SMURF1: variants seen among roughly 807,000 people sequenced by gnomAD.
SMURF1 encodes SMAD specific E3 ubiquitin protein ligase 1, also known as E3 ubiquitin-protein ligase SMURF1.
A neutral mutation model predicts 98.0 loss-of-function variants in SMURF1; 44 were observed. The ratio of observed to expected loss-of-function variants is 0.45; its 90% confidence interval spans 0.35 to 0.58. The LOEUF is 0.58. Ranked by LOEUF, SMURF1 falls within the 20% of genes least tolerant of loss-of-function variation. SMURF1 has a pLI of 0.00. For missense variants in SMURF1, 687 were observed against 938.4 expected, an observed-to-expected ratio of 0.73 and a Z score of 3.50; for synonymous variants, 396 against 374.9, an observed-to-expected ratio of 1.06 and a Z score of -0.65.
At chr7:99,042,056 T>A in intron 12 of SMURF1, 62 bp downstream of exon 12, 2 of 1,328,740 alleles carry the variant, frequency 1.5e-6, no homozygotes, top group South Asian at 1.2e-5. Context: ...AGAATGAAAC[T>A]GAAAATCCAT....
intron 13 of SMURF1, among the ~76,000 whole-genome samples, chr7:99,039,193 CAAAAAAAAAAAAAAA>C (rs34106810): frequency 2.0e-4 from 12 of 60,488 alleles, no homozygotes; most frequent in Non-Finnish European, 3.1e-4. Flanking sequence ...GACTCTGTCT[CAAAAAAAAAAAAAAA>C]AAAAAAAAAA....
intron 1 of SMURF1, among the ~76,000 whole-genome samples, chr7:99,130,572 C>A (rs1049471763): frequency 6.6e-6 from 1 of 152,178 alleles, no homozygotes; most frequent in African/African-American, 2.4e-5. Context: ...CCACTCCTAA[C>A]CCTTGGTCAA....
intron 11 of SMURF1, among the ~76,000 whole-genome samples, chr7:99,043,388 G>A (rs746650201): frequency 6.6e-6 from 1 of 152,138 alleles, no homozygotes; most frequent in Non-Finnish European, 1.5e-5. Flanking sequence ...CATCCCATTA[G>A]GAGGAAGACT....
At chr7:99,143,489 C>CGGGGGAACGG (rs1438784549) in intron 1 of SMURF1, among the ~76,000 whole-genome samples, 3 of 95,638 alleles carry the variant, frequency 3.1e-5, no homozygotes, top group Admixed American at 1.3e-4. Context: ...GGGGCAGGTG[C>CGGGGGAACGG]GGGGGAACGG....
chr7:99,056,606 C>T (rs751232992), intron 5 of SMURF1, among the ~76,000 whole-genome samples: 23 of 152,256 alleles, frequency 1.5e-4, no homozygotes, highest in Non-Finnish European at 2.2e-4. Context: ...TTGGATAATA[C>T]GGTCAAAAAT....
intron 11 of SMURF1, among the ~76,000 whole-genome samples, chr7:99,045,331 C>G (rs186584201): frequency 6.6e-6 from 1 of 152,346 alleles, no homozygotes; most frequent in Non-Finnish European, 1.5e-5. Flanking sequence ...GCCCTGCTCC[C>G]TGCAGCAAAT....
At chr7:99,105,157 C>G (rs1407755335) in intron 1 of SMURF1, among the ~76,000 whole-genome samples, 1 of 152,204 alleles carries the variant, frequency 6.6e-6, no homozygotes, top group African/African-American at 2.4e-5. Context: ...AGCTACACAA[C>G]CAACCTTCAC....
intron 1 of SMURF1, among the ~76,000 whole-genome samples, chr7:99,063,218 A>C (rs1796079184): frequency 8.9e-6 from 1 of 112,860 alleles, no homozygotes. Flanking sequence ...TAGTCAAGAT[A>C]TATATATATA....
At chr7:99,117,802 G>A (rs1185825130) in intron 1 of SMURF1, among the ~76,000 whole-genome samples, 1 of 151,836 alleles carries the variant, frequency 6.6e-6, no homozygotes, top group Non-Finnish European at 1.5e-5. Context: ...TATATATGCT[G>A]AGCGTGGTGG....
At chr7:99,081,958 G>A (rs912403661) in intron 1 of SMURF1, among the ~76,000 whole-genome samples, 1 of 152,106 alleles carries the variant, frequency 6.6e-6, no homozygotes, top group Non-Finnish European at 1.5e-5. Context: ...TGGCCTGATC[G>A]CATTTTTTAA....
chr7:99,071,882 C>G (rs1796332149), intron 1 of SMURF1, among the ~76,000 whole-genome samples: 1 of 151,720 alleles, frequency 6.6e-6, no homozygotes, highest in Non-Finnish European at 1.5e-5. Flanking sequence ...GAGACCACCC[C>G]TGAGCAACGT....
chr7:99,111,795 T>C (rs1797329033), intron 1 of SMURF1, among the ~76,000 whole-genome samples: 4 of 152,210 alleles, frequency 2.6e-5, no homozygotes, highest in Admixed American at 2.0e-4. Context: ...ACATATCTTA[T>C]TCTCAAAGAA....
At chr7:99,040,841 T>G (rs1375186728) in intron 12 of SMURF1, among the ~76,000 whole-genome samples, 1 of 152,134 alleles carries the variant, frequency 6.6e-6, no homozygotes, top group East Asian at 1.9e-4. Context: ...TGACTGAGAA[T>G]TTCACCTTCG....
chr7:99,035,664 G>A lies in SMURF1; in HGVS notation c.1862C>T (p.Thr621Met), dbSNP rs924925996. ...GTCGGCCACACAGTGCTTCAGCCGCGTGTTCGACTTCCAGTCGTTCAAGTC... is the reference window on the plus strand; with the variant it reads ...GTCGGCCACACAGTGCTTCAGCCGCATGTTCGACTTCCAGTCGTTCAAGTC... ...KIDLNDWKSN[T>M]RLKHCVADSN... Residue 621 changes from threonine (T) to methionine (M), a missense_variant, in exon 16 of 18, where the codon ACG becomes ATG. Coordinates refer to ENST00000361368, the MANE Select transcript of SMURF1 (RefSeq NM_181349.3). The A allele has an allele frequency of 2.5e-6, 4 of 1,614,212 alleles. No homozygotes were observed. The highest frequency in any genetic ancestry group is 3.4e-6 in the Non-Finnish European group (4 of 1,180,024).
chr7:99,029,653 T>C lies in SMURF1; in HGVS notation c.*931A>G, dbSNP rs1026743808. 1 of 152,226 alleles carries C rather than the reference T, an allele frequency of 6.6e-6. No individual in the cohort carries two copies. Among genetic ancestry groups the C allele is most frequent in the African/African-American group, 2.4e-5 (1 of 41,450 alleles). The allele number at this position is 152,226 out of a possible 1,614,324, so 9.4% of individuals were successfully genotyped here. A position where few individuals can be genotyped will look rare whatever the true frequency, so the allele number is the denominator to read the frequency against. On this transcript the variant is annotated 3_prime_UTR_variant, in exon 18 of 18. Coordinates refer to ENST00000361368, the MANE Select transcript of SMURF1 (RefSeq NM_181349.3). ...AGCTATGATGACACAATTTTGTTAG[T>C]TTAGCTCTTAGCAGTTGCTGCATCA...
At chr7:99,074,570 T>TA (rs1796408093) in intron 1 of SMURF1, among the ~76,000 whole-genome samples, 1 of 151,712 alleles carries the variant, frequency 6.6e-6, no homozygotes, top group Admixed American at 6.6e-5. Flanking sequence ...AGCAGAAACA[T>TA]AAAAATTAAA....
intron 1 of SMURF1, among the ~76,000 whole-genome samples, chr7:99,097,508 T>C (rs1407593099): frequency 6.6e-6 from 1 of 152,212 alleles, no homozygotes; most frequent in African/African-American, 2.4e-5. Context: ...GTGAGTTCAA[T>C]CTCTTGCTCT....
intron 1 of SMURF1, among the ~76,000 whole-genome samples, chr7:99,124,890 C>A (rs1797712530): frequency 6.6e-6 from 1 of 152,202 alleles, no homozygotes; most frequent in Admixed American, 6.5e-5. Flanking sequence ...CACTTCTCAC[C>A]TACTTGGAGT....
At chr7:99,136,613 T>A (rs904968071) in intron 1 of SMURF1, among the ~76,000 whole-genome samples, 2 of 152,216 alleles carry the variant, frequency 1.3e-5, no homozygotes, top group African/African-American at 2.4e-5. Context: ...CATCCCTGCA[T>A]TGTTCCTGAT....
Sources: allele counts gnomAD v4.1 joint callset (sites outside exome capture counted in the v4.1 genomes callset), GRCh38; gene constraint gnomAD v4.1.1; transcripts MANE v1.5; gene names NCBI Gene and HGNC (gene_info 2026-07-23, HGNC 2026-07-21).